The following BAALC variants were observed in gnomAD, a reference collection of about 807,000 sequenced individuals.
The protein encoded by BAALC is BAALC binder of MAP3K1 and KLF4.
A neutral mutation model predicts 15.5 loss-of-function variants in BAALC; 9 were observed. The ratio of observed to expected loss-of-function variants is 0.58; its 90% CI spans 0.35 to 1.02. The LOEUF is 1.02. BAALC is among the 50% of genes least tolerant of loss of function. The pLI is 0.02. For synonymous variants in BAALC, 80 were observed against 74.6 expected (o/e 1.07, Z -0.37); for missense variants, 201 against 192.4 (o/e 1.04, Z -0.27).
rs183623056 is a variant in BAALC, at chr8:103,143,809, T to G, written c.160+2752T>G. Among the ~76,000 whole-genome samples the G allele has an allele frequency of 8.3e-4, 127 of 152,346 alleles. 1 individual carries two copies. Among genetic ancestry groups the G allele is most frequent in the Admixed American group, 7.6e-3 (116 of 15,300 alleles). Reference sequence around the variant, plus strand: ...AAAAGTTTTCAGAATGAATGGATGCTCTGTCTGAACCTGTCCTCCGTCCTG... The same window carrying G: ...AAAAGTTTTCAGAATGAATGGATGCGCTGTCTGAACCTGTCCTCCGTCCTG... On this transcript the variant is annotated intron_variant, in intron 1 of 2. Coordinates refer to ENST00000309982, the MANE Select transcript of BAALC (RefSeq NM_024812.3).
At chr8:103,181,494 G>T (rs1048131229) in intron 1 of BAALC, among the ~76,000 whole-genome samples, 1 of 152,004 alleles carries the variant, frequency 6.6e-6, no homozygotes, top group East Asian at 1.9e-4. Flanking sequence ...GGATGGTCTC[G>T]ATCTCCTGAC....
chr8:103,145,051 C>G (rs1485412378), intron 1 of BAALC, among the ~76,000 whole-genome samples: 1 of 152,218 alleles, frequency 6.6e-6, no homozygotes, highest in Non-Finnish European at 1.5e-5. Flanking sequence ...GCCTCTACTC[C>G]TAAATACTGC....
intron 1 of BAALC, among the ~76,000 whole-genome samples, chr8:103,185,246 C>A (rs1371789883): frequency 6.6e-6 from 1 of 152,048 alleles, no homozygotes; most frequent in Non-Finnish European, 1.5e-5. Context: ...GTCTTATAAC[C>A]ATTCCGAACT....
At chr8:103,155,042 C>A in intron 1 of BAALC, among the ~76,000 whole-genome samples, 1 of 152,054 alleles carries the variant, frequency 6.6e-6, no homozygotes, top group East Asian at 1.9e-4. Context: ...CTCCATTCCA[C>A]TTCGCCAATT....
At chr8:103,184,129 C>T (rs1479186451) in intron 1 of BAALC, among the ~76,000 whole-genome samples, 1 of 152,210 alleles carries the variant, frequency 6.6e-6, no homozygotes, top group Non-Finnish European at 1.5e-5. Context: ...CCTTTAAAAA[C>T]AGTCATATCT....
intron 1 of BAALC, among the ~76,000 whole-genome samples, chr8:103,142,272 C>T (rs1484845372): frequency 6.6e-6 from 1 of 152,202 alleles, no homozygotes; most frequent in Non-Finnish European, 1.5e-5. Flanking sequence ...AAAGCTGGCT[C>T]CTTTTCCACA....
Position 103,141,028 on chromosome 8 carries a change from G to A in BAALC, c.131G>A (p.Ser44Asn), listed in dbSNP as rs1454272708. The A allele has an allele frequency of 2.6e-6, 4 of 1,515,274 alleles. No individual in the cohort carries two copies. The highest frequency in any genetic ancestry group is 8.8e-7 in the Non-Finnish European group (1 of 1,131,970). 93.9% of individuals were successfully genotyped at this position (1,515,274 alleles called of 1,614,324 possible). A position where few individuals can be genotyped will look rare whatever the true frequency, so the allele number is the denominator to read the frequency against. Reference protein sequence around the residue: ...DAPPSAAAPDSGPEAGGLHSG... With the variant: ...DAPPSAAAPDNGPEAGGLHSG... The stretch of plus-strand genomic sequence containing the variant: ...CCGCCCAGCGCCGCCGCCCCGGACA[G>A]CGGCCCCGAAGCGGGCGGCCTGCAC... Residue 44 changes from serine to asparagine, a missense_variant, in exon 1 of 3, where the codon AGC (serine) becomes AAC (asparagine). Physicochemically the swap from Ser to Asn is conservative, Grantham distance 46 (BLOSUM62 1). Coordinates refer to ENST00000309982, the MANE Select transcript of BAALC (RefSeq NM_024812.3).
rs151303694 is a variant in BAALC at position 103,177,184 on chromosome 8, TG to T, written c.161-35734del. Among the ~76,000 whole-genome samples, 929 of 118,050 alleles carry T rather than the reference TG, an allele frequency of 7.9e-3. 10 individuals are homozygous for T. Among genetic ancestry groups the T allele is most frequent in the African/African-American group, 0.024 (803 of 33,744 alleles). The allele number at this position is 118,050 out of a possible 152,430, so 77.4% of individuals were successfully genotyped here. A position where few individuals can be genotyped will look rare whatever the true frequency, so the allele number is the denominator to read the frequency against. ...GCGGGTTTTTTGTTGTTGTTGTTGTTGTTGTTTTGTTTTTTTTTTTTTGAGA... is the reference window on the plus strand; with the variant it reads ...GCGGGTTTTTTGTTGTTGTTGTTGTTTTGTTTTGTTTTTTTTTTTTTGAGA... On this transcript the variant is annotated intron_variant, in intron 1 of 2. Coordinates refer to ENST00000309982, the MANE Select transcript of BAALC (RefSeq NM_024812.3).
chr8:103,172,538 A>G (rs1256520885), intron 1 of BAALC, among the ~76,000 whole-genome samples: 2 of 151,998 alleles, frequency 1.3e-5, no homozygotes, highest in East Asian at 3.9e-4. Flanking sequence ...AGTAGCTGGG[A>G]TTACAGGCAC....
chr8:103,222,769 A>G lies in BAALC; in HGVS notation c.328-5220A>G, dbSNP rs149090551. On this transcript the variant is annotated intron_variant, in intron 2 of 2. Coordinates refer to ENST00000309982, the MANE Select transcript of BAALC (RefSeq NM_024812.3). ...TTTTTGAGCCCATATCATGGGAGTT[A>G]CAGAACTTTAGTTTGTCCTTTATCT... is the stretch of plus-strand genomic sequence containing the variant. Among the ~76,000 whole-genome samples, 166 of 152,326 alleles carry G rather than the reference A, an allele frequency of 1.1e-3. 4 individuals are homozygous for G. In the East Asian group the frequency reaches 0.03, roughly 28 times the overall value.
chr8:103,224,229 GATTT>G (rs1156399051), intron 2 of BAALC, among the ~76,000 whole-genome samples: 1 of 152,032 alleles, frequency 6.6e-6, no homozygotes, highest in African/African-American at 2.4e-5. Context: ...TATTTGAAGA[GATTT>G]ATTCTGAGCC....
chr8:103,144,746 T>G (rs1200291312), intron 1 of BAALC, among the ~76,000 whole-genome samples: 1 of 152,208 alleles, frequency 6.6e-6, no homozygotes, highest in Non-Finnish European at 1.5e-5. Context: ...AATCATTGTC[T>G]TAGTATAATA....
At chr8:103,197,569 G>T (rs1402307325) in intron 1 of BAALC, among the ~76,000 whole-genome samples, 1 of 152,118 alleles carries the variant, frequency 6.6e-6, no homozygotes, top group Non-Finnish European at 1.5e-5. Flanking sequence ...TTCTTGTGTT[G>T]CTATAAAGAA....
At chr8:103,168,266 T>C (rs1203333294) in intron 1 of BAALC, among the ~76,000 whole-genome samples, 1 of 152,194 alleles carries the variant, frequency 6.6e-6, no homozygotes, top group East Asian at 1.9e-4. Flanking sequence ...CTCTAAATAA[T>C]TGGCAAGTCA....
Position 103,227,997 on chromosome 8 carries a change from A to G in BAALC, c.336A>G (p.Arg112=). ...TGTTTTCAACTTAACAGGCTAAAAGAGATGCTAAGAGAATGCCTGCAAAAG... is the reference window on the plus strand; with the variant it reads ...TGTTTTCAACTTAACAGGCTAAAAGGGATGCTAAGAGAATGCCTGCAAAAG... ...QNGLQTTEAK[R]DAKRMPAKEV... is the part of the protein sequence containing the mutation. Residue 112 remains arginine (R), a synonymous_variant, in exon 3 of 3, where the codon AGA becomes AGG. Transcript: ENST00000309982. 6.2e-7 allele frequency: 1 copy of G among 1,610,848 alleles called. No homozygotes were observed. Among genetic ancestry groups the G allele is most frequent in the African/African-American group, 1.3e-5 (1 of 74,918 alleles).
chr8:103,173,095 T>G (rs1811534188), intron 1 of BAALC, among the ~76,000 whole-genome samples: 2 of 152,346 alleles, frequency 1.3e-5, no homozygotes, highest in South Asian at 2.1e-4. Flanking sequence ...CCTTTTGATT[T>G]TTGAGGCACG....
intron 1 of BAALC, among the ~76,000 whole-genome samples, chr8:103,176,274 GTTAAA>G (rs1047126346): frequency 2.0e-5 from 3 of 152,124 alleles, no homozygotes; most frequent in African/African-American, 7.2e-5. Context: ...AGAAAGCACT[GTTAAA>G]TTAATTCAGC....
rs142144321 is a variant in BAALC, at chr8:103,179,496, G to A, written c.161-33423G>A. 2.9e-3 allele frequency among the ~76,000 whole-genome samples: 440 copies of A among 152,304 alleles called. 3 individuals are homozygous for A. The highest frequency in any genetic ancestry group is 9.9e-3 in the African/African-American group (413 of 41,566). ...AATAGAAGCACAATGTGCTCTATGC[G>A]GAGTCACAGACTTTTAGCAGAACAG... On this transcript the variant is annotated intron_variant, in intron 1 of 2. Transcript: ENST00000309982.
chr8:103,162,689 A>G (rs1354446408), intron 1 of BAALC, among the ~76,000 whole-genome samples: 1 of 152,108 alleles, frequency 6.6e-6, no homozygotes, highest in Non-Finnish European at 1.5e-5. Flanking sequence ...CCCAGATTTA[A>G]AAGGAGGGGA....
Sources: gnomAD v4.1 joint callset for allele counts (sites outside exome capture counted in the v4.1 genomes callset) on GRCh38, gnomAD v4.1.1 for gene constraint, MANE v1.5 for transcripts, NCBI Gene and HGNC (gene_info 2026-07-23, HGNC 2026-07-21) for gene names.